The following GTF3C4 variants were observed in gnomAD, a reference collection of about 807,000 sequenced individuals.
The protein encoded by GTF3C4 is general transcription factor 3C polypeptide 4.
In GTF3C4, 28 loss-of-function variants were observed where a neutral mutation model predicts 67.5. The ratio of observed to expected loss-of-function variants is 0.41; its 90% CI spans 0.31 to 0.57. The LOEUF (loss-of-function observed/expected upper bound fraction) is 0.57. Among genes scored for constraint, GTF3C4 ranks in the 20% least tolerant of loss-of-function variants. The probability of loss-of-function intolerance (pLI) is 0.21; values close to 1 mark genes in which losing one functional copy is unlikely to be tolerated. For synonymous variants in GTF3C4, 409 were observed against 393.0 expected, an observed-to-expected ratio of 1.04 and a Z score of -0.48; for missense variants, 831 against 1,033.2, an observed-to-expected ratio of 0.80 and a Z score of 2.68.
chr9:132,678,403 G>C lies in GTF3C4; in HGVS notation c.784G>C (p.Val262Leu). 1 of 1,614,242 alleles carries C rather than the reference G, an allele frequency of 6.2e-7. No homozygotes were observed. Among genetic ancestry groups the C allele is most frequent in the Non-Finnish European group, 8.5e-7 (1 of 1,180,044 alleles). Residue 262 changes from valine to leucine, a missense_variant, in exon 2 of 5, where the codon GTC (valine) becomes CTC (leucine). Around this residue, in one of 4 missense-constraint regions of GTF3C4, gnomAD observed 390 missense variants for 540.3 expected, o/e 0.72. Coordinates refer to ENST00000372146, the MANE Select transcript of GTF3C4 (RefSeq NM_012204.4). This position sits in a 1 kb window ranked among gnomAD's most constrained non-coding sequence, Gnocchi z 6.5. ...GTCGGGCATCTGTACCACCCAGCAGGTCAAGCATAACAACGAATGCCGGGA... is the reference window on the plus strand; with the variant it reads ...GTCGGGCATCTGTACCACCCAGCAGCTCAAGCATAACAACGAATGCCGGGA... Reference protein sequence around the residue: ...EWSGICTTQQVKHNNECRDVG... With the variant: ...EWSGICTTQQLKHNNECRDVG...
intron 3 of GTF3C4, among the ~76,000 whole-genome samples, chr9:132,686,465 C>CT (rs1836029864): frequency 6.6e-6 from 1 of 152,038 alleles, no homozygotes. Context: ...CAACCTCCTC[C>CT]TTTGTGTTTT....
At chr9:132,680,727 G>A (rs746003022) in intron 2 of GTF3C4, among the ~76,000 whole-genome samples, 4 of 152,160 alleles carry the variant, frequency 2.6e-5, no homozygotes, top group East Asian at 1.9e-4. Context: ...ACACACGTTC[G>A]CCTTTGAAAT....
chr9:132,693,445 A>C lies in GTF3C4; in HGVS notation c.*4500A>C, dbSNP rs1836149517. 6.6e-6 allele frequency: 1 copy of C among 152,226 alleles called. No individual in the cohort carries two copies. Among genetic ancestry groups the C allele is most frequent in the South Asian group, 2.1e-4 (1 of 4,838 alleles). The allele number at this position is 152,226 out of a possible 1,614,324, so 9.4% of individuals were successfully genotyped here. A position where few individuals can be genotyped will look rare whatever the true frequency, so the allele number is the denominator to read the frequency against. ...TAGATCAATATGATATGCTTTGCCA[A>C]CATGATCTAAGAAGGTATTCATTCT... On this transcript the variant is annotated 3_prime_UTR_variant, in exon 5 of 5. Transcript: ENST00000372146.
chr9:132,673,794 GT>G (rs1175480684), intron 1 of GTF3C4, among the ~76,000 whole-genome samples: 5 of 152,194 alleles, frequency 3.3e-5, no homozygotes, highest in African/African-American at 1.2e-4. Flanking sequence ...CTGCAGTTAT[GT>G]AATAGTTCAG....
At position 132,670,832 on chromosome 9, in the gene GTF3C4, GTC is replaced by G; in HGVS notation, c.236_237del (p.Ser79CysfsTer49). On this transcript the variant is annotated frameshift_variant, in exon 1 of 5. Coordinates refer to ENST00000372146, the MANE Select transcript of GTF3C4 (RefSeq NM_012204.4). LOFTEE classifies it high-confidence loss of function. ...PLAWSEDHRVSVSTARSIAVL... is the reference protein window; with the variant it reads ...PLAWSEDHRVXVSTARSIAVL... ...TGGCTTGGTCCGAGGACCACCGCGT[GTC>G]TGTGTCCACGGCCCGCAGCATCGCT... 1 of 1,609,752 alleles carries G rather than the reference GTC, an allele frequency of 6.2e-7. No homozygotes were observed. The highest frequency in any genetic ancestry group is 8.5e-7 in the Non-Finnish European group (1 of 1,179,520).
At position 132,684,387 on chromosome 9, in the gene GTF3C4, T is replaced by G. The variant is rs535021216; in HGVS notation, c.2315+694T>G. On this transcript the variant is annotated intron_variant, in intron 3 of 4. Coordinates refer to ENST00000372146, the MANE Select transcript of GTF3C4 (RefSeq NM_012204.4). ...CCCTGGTCCAAAACACCATCATCTCTTGCCCAGCTTATTACACCTGTAGTT... is the reference window on the plus strand; with the variant it reads ...CCCTGGTCCAAAACACCATCATCTCGTGCCCAGCTTATTACACCTGTAGTT... 1.7e-3 allele frequency among the ~76,000 whole-genome samples: 261 copies of G among 152,362 alleles called. 1 individual carries two copies. Among genetic ancestry groups the G allele is most frequent in the African/African-American group, 6.0e-3 (248 of 41,590 alleles).
rs1250328696 is a variant in GTF3C4, at chr9:132,684,499, CT to C, written c.2315+807del. Among the ~76,000 whole-genome samples, 4 of 152,300 alleles carry C rather than the reference CT, an allele frequency of 2.6e-5. No individual in the cohort carries two copies. The East Asian group carries it at 5.8e-4, about 22-fold the overall frequency. On this transcript the variant is annotated intron_variant, in intron 3 of 4. Transcript: ENST00000372146. The stretch of plus-strand genomic sequence containing the variant: ...TAGTGATTGTATCAAAACTTTGTCA[CT>C]GGCTACTTGTTTCTGATGAGTAAAA...
At chr9:132,671,231 C>T (rs1026662771) in intron 1 of GTF3C4, among the ~76,000 whole-genome samples, 32 of 152,196 alleles carry the variant, frequency 2.1e-4, no homozygotes, top group African/African-American at 7.2e-4. Flanking sequence ...AGGAACCCCT[C>T]CTTCGCCCCT....
intron 2 of GTF3C4, among the ~76,000 whole-genome samples, 159 bp from the exon 3 acceptor site, chr9:132,683,404 A>AT (rs1238891887): frequency 1.3e-5 from 2 of 149,954 alleles, no homozygotes; most frequent in Non-Finnish European, 3.0e-5. Flanking sequence ...TTCAGACAGT[A>AT]TAATCAGGAT....
chr9:132,673,584 G>T (rs1335729403), intron 1 of GTF3C4, among the ~76,000 whole-genome samples: 2 of 152,184 alleles, frequency 1.3e-5, no homozygotes, highest in Non-Finnish European at 2.9e-5. Context: ...TCAGCACTTT[G>T]ATGACTCCAC....
intron 2 of GTF3C4, among the ~76,000 whole-genome samples, chr9:132,681,511 G>C (rs1398634162): frequency 1.3e-5 from 2 of 152,148 alleles, no homozygotes; most frequent in Non-Finnish European, 2.9e-5. Context: ...TATCAGCCTA[G>C]TATGCTAGTA....
chr9:132,672,430 A>G (rs1375054094), intron 1 of GTF3C4, among the ~76,000 whole-genome samples: 1 of 152,216 alleles, frequency 6.6e-6, no homozygotes, highest in Non-Finnish European at 1.5e-5. Context: ...TGTAAGAGGA[A>G]GGAAGGAAAG....
rs748586249 is a variant in GTF3C4 at position 132,678,381 on chromosome 9, G to A, written c.762G>A (p.Ser254=). The change falls in exon 2 of 5, where the codon TCG becomes TCA. Residue 254 remains serine (S), a synonymous_variant. Coordinates refer to ENST00000372146, the MANE Select transcript of GTF3C4 (RefSeq NM_012204.4). The surrounding 1 kb of genome is among the most constrained non-coding windows in gnomAD (Gnocchi z 6.5). ...SMQTPVRMEW[S]GICTTQQVKH... is the part of the protein sequence containing the mutation. ...AGACCCCAGTCAGAATGGAGTGGTC[G>A]GGCATCTGTACCACCCAGCAGGTCA... The A allele has an allele frequency of 4.3e-6, 7 of 1,614,056 alleles. No homozygotes were observed. The highest frequency in any genetic ancestry group is 2.7e-5 in the African/African-American group (2 of 74,922).
intron 1 of GTF3C4, among the ~76,000 whole-genome samples, chr9:132,673,506 C>T (rs1835819976): frequency 6.6e-6 from 1 of 151,596 alleles, no homozygotes; most frequent in African/African-American, 2.4e-5. Flanking sequence ...TGAGTTGACC[C>T]TGCAGTTCTA....
Position 132,670,824 on chromosome 9 carries a change from C to T in GTF3C4, c.226C>T (p.His76Tyr). Reference protein sequence around the residue: ...GLEPLAWSEDHRVSVSTARSI... With the variant: ...GLEPLAWSEDYRVSVSTARSI... The stretch of plus-strand genomic sequence containing the variant: ...GGAACCGCTGGCTTGGTCCGAGGAC[C>T]ACCGCGTGTCTGTGTCCACGGCCCG... The change falls in exon 1 of 5, where the codon CAC becomes TAC. Residue 76 changes from histidine (H) to tyrosine (Y), a missense_variant. By Grantham distance (83) the His-to-Tyr change is moderately conservative. Around this residue, in one of 4 missense-constraint regions of GTF3C4, gnomAD observed 237 missense variants for 212.7 expected, o/e 1.11. Transcript: ENST00000372146. The T allele has an allele frequency of 6.2e-7, 1 of 1,608,194 alleles. No homozygotes were observed. Among genetic ancestry groups the T allele is most frequent in the Non-Finnish European group, 8.5e-7 (1 of 1,179,202 alleles).
At chr9:132,677,437 G>A (rs1362258023) in intron 1 of GTF3C4, among the ~76,000 whole-genome samples, 2 of 152,202 alleles carry the variant, frequency 1.3e-5, no homozygotes, top group African/African-American at 4.8e-5. Flanking sequence ...GGAGGAGGGA[G>A]AGATGAATGA....
At chr9:132,673,859 AAATCTGAAAAGC>A (rs1331643769) in intron 1 of GTF3C4, among the ~76,000 whole-genome samples, 10 of 152,272 alleles carry the variant, frequency 6.6e-5, no homozygotes, top group Non-Finnish European at 2.9e-5. Flanking sequence ...TGGACAGTAT[AAATCTGAAAAGC>A]AATGAAATAG....
chr9:132,692,463 C>A lies in GTF3C4; in HGVS notation c.*3518C>A, dbSNP rs2772005. ...TTTAGCTCCTTCCCACCACCTGTTT[C>A]CCCTCACTCCCACCCCCAGCCAATA... On this transcript the variant is annotated 3_prime_UTR_variant, in exon 5 of 5. Coordinates refer to ENST00000372146, the MANE Select transcript of GTF3C4 (RefSeq NM_012204.4). 6.6e-6 allele frequency: 1 copy of A among 151,852 alleles called. No individual in the cohort carries two copies. The highest frequency in any genetic ancestry group is 1.5e-5 in the Non-Finnish European group (1 of 67,976). 9.4% of individuals were successfully genotyped at this position (151,852 alleles called of 1,614,324 possible).
At position 132,674,705 on chromosome 9, in the gene GTF3C4, C is replaced by A. The variant is rs910635856; in HGVS notation, c.358-3272C>A. ...ACTTTATGTCTACCTTGCATTTTTG[C>A]ATACTTTTATTAGCATTAAATATCT... On this transcript the variant is annotated intron_variant, in intron 1 of 4. Transcript: ENST00000372146. Among the ~76,000 whole-genome samples the A allele has an allele frequency of 1.7e-4, 26 of 152,146 alleles. No individual in the cohort carries two copies. In the East Asian group the frequency reaches 1.9e-3, roughly 11 times the overall value.
Sources: allele counts gnomAD v4.1 joint callset (sites outside exome capture counted in the v4.1 genomes callset), GRCh38; gene constraint gnomAD v4.1.1; regional missense constraint gnomAD v4.1.1; non-coding constraint Gnocchi (gnomAD v3.1); transcripts MANE v1.5; gene names NCBI Gene and HGNC (gene_info 2026-07-23, HGNC 2026-07-21).